The following GABRG3 variants were observed in gnomAD, a reference collection of about 807,000 sequenced individuals.
The protein encoded by GABRG3 is gamma-aminobutyric acid receptor subunit gamma-3.
Under a neutral mutation model 48.8 loss-of-function variants are expected in GABRG3, and 25 were observed. That is an observed-to-expected ratio of 0.51 (90% CI 0.37 to 0.72). The LOEUF is 0.72. Ranked by LOEUF, GABRG3 falls within the 30% of genes least tolerant of loss-of-function variation. GABRG3 has a pLI of 0.00. For missense variants in GABRG3, 394 were observed against 577.9 expected (o/e 0.68, Z 3.26); for synonymous variants, 227 against 217.6 (o/e 1.04, Z -0.38).
intron 7 of GABRG3, among the ~76,000 whole-genome samples, chr15:27,523,408 T>C (rs1891202783): frequency 6.6e-6 from 1 of 151,778 alleles, no homozygotes; most frequent in Non-Finnish European, 1.5e-5. Context: ...ATTTTTGTTC[T>C]AAATATGTTG....
intron 6 of GABRG3, among the ~76,000 whole-genome samples, chr15:27,511,837 T>C (rs1890902578): frequency 6.6e-6 from 1 of 152,264 alleles, no homozygotes; most frequent in African/African-American, 2.4e-5. Flanking sequence ...GTTCTTACTT[T>C]ACACAGGTAG....
chr15:27,128,377 G>A (rs920261972), intron 3 of GABRG3, among the ~76,000 whole-genome samples: 3 of 152,116 alleles, frequency 2.0e-5, no homozygotes, highest in African/African-American at 4.8e-5. Context: ...CCATGAGTCA[G>A]TGCTTTAAGA....
At chr15:27,269,774 A>T (rs959981702) in intron 3 of GABRG3, among the ~76,000 whole-genome samples, 1 of 152,198 alleles carries the variant, frequency 6.6e-6, no homozygotes, top group African/African-American at 2.4e-5. Flanking sequence ...AAAAGGCATC[A>T]CTGGGTCAGC....
intron 5 of GABRG3, chr15:27,428,036 C>G (rs553291528): frequency 9.8e-5 from 15 of 152,546 alleles, no homozygotes; most frequent in Admixed American, 7.8e-4. Flanking sequence ...CCCATGCCAC[C>G]ATGCCTGGCT....
chr15:27,464,839 C>T (rs1566852839), intron 5 of GABRG3, among the ~76,000 whole-genome samples: 3 of 152,158 alleles, frequency 2.0e-5, no homozygotes, highest in Non-Finnish European at 4.4e-5. Context: ...GAAAGTTCTT[C>T]ATATATTCTG....
intron 3 of GABRG3, among the ~76,000 whole-genome samples, chr15:27,143,945 AAAGAT>A (rs1360500904): frequency 5.3e-5 from 8 of 152,204 alleles, no homozygotes; most frequent in Non-Finnish European, 1.5e-5. Flanking sequence ...TTCTCAAATA[AAAGAT>A]AAGGCAATAT....
At chr15:27,337,056 T>G (rs1277829750) in intron 5 of GABRG3, among the ~76,000 whole-genome samples, 1 of 152,224 alleles carries the variant, frequency 6.6e-6, no homozygotes, top group East Asian at 1.9e-4. Context: ...GTTCTTGAAC[T>G]GAAATACTAA....
intron 6 of GABRG3, among the ~76,000 whole-genome samples, chr15:27,511,981 A>G (rs1264571423): frequency 6.6e-6 from 1 of 152,196 alleles, no homozygotes; most frequent in Non-Finnish European, 1.5e-5. Context: ...TGTGGGGGAC[A>G]GCAGAAGGGA....
At position 27,026,750 on chromosome 15, in the gene GABRG3, A is replaced by G. The variant is rs1895990022; in HGVS notation, c.203-4A>G. 6.2e-7 allele frequency: 1 copy of G among 1,608,490 alleles called. No individual in the cohort carries two copies. The highest frequency in any genetic ancestry group is 8.5e-7 in the Non-Finnish European group (1 of 1,177,712). On this transcript the variant is annotated splice_region_variant and splice_polypyrimidine_tract_variant and intron_variant, in intron 2 of 9. Transcript: ENST00000615808. The stretch of plus-strand genomic sequence containing the variant: ...TATTAACATACATGTATTTTTCTCC[A>G]CAGTAAAACCGACCGTAATTGACGT...
At chr15:27,018,881 A>C (rs568442789) in intron 2 of GABRG3, among the ~76,000 whole-genome samples, 3 of 152,096 alleles carry the variant, frequency 2.0e-5, no homozygotes, top group African/African-American at 7.2e-5. Flanking sequence ...CCAAGTTAGA[A>C]AAAAAGCATT....
intron 3 of GABRG3, among the ~76,000 whole-genome samples, chr15:27,065,615 G>A (rs1437456444): frequency 1.3e-5 from 2 of 152,184 alleles, no homozygotes; most frequent in Non-Finnish European, 2.9e-5. Context: ...TGTGTGCTTT[G>A]TGTTGTTTTG....
At chr15:27,400,334 T>C (rs1887437783) in intron 5 of GABRG3, among the ~76,000 whole-genome samples, 1 of 152,222 alleles carries the variant, frequency 6.6e-6, no homozygotes, top group South Asian at 2.1e-4. Context: ...ATACCTCACA[T>C]TTTGTATTTA....
At chr15:27,240,883 A>T (rs1366564340) in intron 3 of GABRG3, among the ~76,000 whole-genome samples, 2 of 152,168 alleles carry the variant, frequency 1.3e-5, no homozygotes, top group Admixed American at 6.5e-5. Context: ...TTTGTTTTTA[A>T]TTCATTTATT....
At chr15:27,520,266 T>G in intron 7 of GABRG3, 142 bp downstream of exon 7, 3 of 884,160 alleles carry the variant, frequency 3.4e-6, no homozygotes, top group Non-Finnish European at 5.1e-6. Flanking sequence ...GAATTTTCTC[T>G]TAAGAAGCCA....
At chr15:27,233,299 G>A (rs1041609854) in intron 3 of GABRG3, among the ~76,000 whole-genome samples, 7 of 152,068 alleles carry the variant, frequency 4.6e-5, no homozygotes, top group African/African-American at 1.4e-4. Flanking sequence ...CCTTTCTAGC[G>A]AGCATAAAAA....
chr15:27,486,885 A>G (rs1300980965), intron 6 of GABRG3, among the ~76,000 whole-genome samples: 1 of 152,210 alleles, frequency 6.6e-6, no homozygotes, highest in African/African-American at 2.4e-5. Flanking sequence ...AGCTGCCAGC[A>G]TTTTATTCAA....
rs867720994 is a variant in GABRG3, at chr15:26,980,575, A to C, written c.202+3425A>C. On this transcript the variant is annotated intron_variant, in intron 2 of 9. Transcript: ENST00000615808. ...GCGCCTGTAATCCCAGCTACTGAGG[A>C]GGCTGAGGCAGGAGAATGGCGTGAA... is the stretch of plus-strand genomic sequence containing the variant. Among the ~76,000 whole-genome samples the C allele has an allele frequency of 2.0e-5, 3 of 150,934 alleles. 1 individual carries two copies. In the Middle Eastern group the frequency reaches 0.01, roughly 520 times the overall value.
At chr15:27,310,264 A>T (rs1259571293) in intron 3 of GABRG3, among the ~76,000 whole-genome samples, 1 of 152,108 alleles carries the variant, frequency 6.6e-6, no homozygotes, top group African/African-American at 2.4e-5. Flanking sequence ...GATTATGTTG[A>T]TAGCTACACA....
At chr15:27,259,591 C>T (rs546106894) in intron 3 of GABRG3, among the ~76,000 whole-genome samples, 5 of 152,236 alleles carry the variant, frequency 3.3e-5, no homozygotes, top group Admixed American at 2.6e-4. Flanking sequence ...TTCCCAGCTC[C>T]TCCACACCCT....
Sources: gnomAD v4.1 joint callset for allele counts (sites outside exome capture counted in the v4.1 genomes callset) on GRCh38, gnomAD v4.1.1 for gene constraint, MANE v1.5 for transcripts, NCBI Gene and HGNC (gene_info 2026-07-23, HGNC 2026-07-21) for gene names.